SDC2: variants seen among roughly 807,000 people sequenced by gnomAD.
SDC2 encodes syndecan-2.
SDC2 carries 13 observed loss-of-function variants against 22.2 expected under a neutral mutation model. That is an observed-to-expected ratio of 0.59 (90% CI 0.38 to 0.93). The LOEUF (loss-of-function observed/expected upper bound fraction) is 0.93. Ranked by LOEUF, SDC2 falls within the 40% of genes least tolerant of loss-of-function variation. SDC2 has a pLI of 0.00. For missense variants in SDC2, 235 were observed against 246.8 expected (o/e 0.95, Z 0.32); for synonymous variants, 94 against 92.8 (o/e 1.01, Z -0.07).
intron 1 of SDC2, among the ~76,000 whole-genome samples, chr8:96,527,223 A>G (rs1813591664): frequency 6.7e-6 from 1 of 148,950 alleles, no homozygotes; most frequent in Admixed American, 6.7e-5. Context: ...TGGGAGCTTC[A>G]TTATTTCTGC....
intron 1 of SDC2, among the ~76,000 whole-genome samples, chr8:96,505,846 G>T (rs1022624399): frequency 1.3e-5 from 2 of 152,180 alleles, no homozygotes; most frequent in Non-Finnish European, 2.9e-5. Context: ...TGTTGGTCCT[G>T]CAAGTTAAAA....
chr8:96,571,050 A>G (rs1212133058), intron 1 of SDC2, among the ~76,000 whole-genome samples: 1 of 152,210 alleles, frequency 6.6e-6, no homozygotes, highest in African/African-American at 2.4e-5. Context: ...AACTAGTTCA[A>G]ATGGCAAATT....
At chr8:96,600,382 A>G (rs1020470281) in intron 2 of SDC2, among the ~76,000 whole-genome samples, 1 of 152,212 alleles carries the variant, frequency 6.6e-6, no homozygotes, top group Non-Finnish European at 1.5e-5. Context: ...CTTAAAAGGA[A>G]TGTTGTATTT....
chr8:96,611,459 A>T lies in SDC2; in HGVS notation c.*1911A>T, dbSNP rs1563682026. The T allele has an allele frequency of 6.6e-6, 1 of 152,314 alleles. No homozygotes were observed. Among genetic ancestry groups the T allele is most frequent in the African/African-American group, 2.4e-5 (1 of 41,160 alleles). 9.4% of individuals were successfully genotyped at this position (152,314 alleles called of 1,614,324 possible). A position where few individuals can be genotyped will look rare whatever the true frequency, so the allele number is the denominator to read the frequency against. ...TTAAGCAACACTTGGAACAGTGTTT[A>T]CTTTAAATCCTTAATGGCCTTAATT... On this transcript the variant is annotated 3_prime_UTR_variant, in exon 5 of 5. Transcript: ENST00000302190.
intron 1 of SDC2, among the ~76,000 whole-genome samples, chr8:96,564,783 C>A (rs1441920735): frequency 6.6e-6 from 1 of 152,082 alleles, no homozygotes; most frequent in African/African-American, 2.4e-5. Context: ...TATCACATCC[C>A]ATAGGTAAGT....
Position 96,494,298 on chromosome 8 carries a change from C to G in SDC2, c.27C>G (p.Thr9=), listed in dbSNP as rs765066494. The change falls in exon 1 of 5, where the codon ACC becomes ACG. Residue 9 remains threonine (T), a synonymous_variant. Transcript: ENST00000302190. Reference sequence around the variant, plus strand: ...TGCGGCGCGCGTGGATCCTGCTCACCTTGGGCTTGGTGGCCTGCGTGTCGG... The same window carrying G: ...TGCGGCGCGCGTGGATCCTGCTCACGTTGGGCTTGGTGGCCTGCGTGTCGG... The part of the protein sequence containing the change: MRRAWILL[T]LGLVACVSAE... The G allele has an allele frequency of 9.0e-6, 14 of 1,547,006 alleles. No homozygotes were observed. Among genetic ancestry groups the G allele is most frequent in the Admixed American group, 7.7e-5 (4 of 51,842 alleles).
At position 96,523,181 on chromosome 8, in the gene SDC2, G is replaced by A. The variant is rs989978510; in HGVS notation, c.60+28850G>A. 3.3e-5 allele frequency among the ~76,000 whole-genome samples: 5 copies of A among 152,128 alleles called. No individual in the cohort carries two copies. The East Asian group carries it at 9.6e-4, about 29-fold the overall frequency. On this transcript the variant is annotated intron_variant, in intron 1 of 4. Coordinates refer to ENST00000302190, the MANE Select transcript of SDC2 (RefSeq NM_002998.4). ...TTTTTTCCTTCAAAAAATGCATACAGTGGATTGCTGAGCATCTAAAATCCC... is the reference window on the plus strand; with the variant it reads ...TTTTTTCCTTCAAAAAATGCATACAATGGATTGCTGAGCATCTAAAATCCC...
chr8:96,590,752 T>C (rs946437543), intron 1 of SDC2, among the ~76,000 whole-genome samples: 23 of 152,198 alleles, frequency 1.5e-4, no homozygotes, highest in African/African-American at 5.1e-4. Context: ...TAATTTCTCC[T>C]ATGTTCTTTG....
At chr8:96,565,603 G>A (rs555446920) in intron 1 of SDC2, among the ~76,000 whole-genome samples, 2 of 152,238 alleles carry the variant, frequency 1.3e-5, no homozygotes, top group South Asian at 2.1e-4. Context: ...TGGGACCCTA[G>A]CAACAGTTGC....
At position 96,502,530 on chromosome 8, in the gene SDC2, T is replaced by G. The variant is rs530474303; in HGVS notation, c.60+8199T>G. 3.6e-4 allele frequency among the ~76,000 whole-genome samples: 34 copies of G among 93,566 alleles called. 1 individual carries two copies. The South Asian group carries it at 0.01, about 28-fold the overall frequency. 61.4% of individuals were successfully genotyped at this position (93,566 alleles called of 152,430 possible). A position where few individuals can be genotyped will look rare whatever the true frequency, so the allele number is the denominator to read the frequency against. ...TTTTTAAACTATAAATCTCATAAAGTGTTTTAGTCTCCTCATATGGTTTCT... is the reference window on the plus strand; with the variant it reads ...TTTTTAAACTATAAATCTCATAAAGGGTTTTAGTCTCCTCATATGGTTTCT... On this transcript the variant is annotated intron_variant, in intron 1 of 4. Coordinates refer to ENST00000302190, the MANE Select transcript of SDC2 (RefSeq NM_002998.4).
chr8:96,494,782 C>G (rs907236469), intron 1 of SDC2, among the ~76,000 whole-genome samples: 2 of 152,190 alleles, frequency 1.3e-5, no homozygotes, highest in East Asian at 1.9e-4. Context: ...CACCATCCCC[C>G]CCGCGCCAGC....
intron 1 of SDC2, among the ~76,000 whole-genome samples, chr8:96,551,606 C>T (rs1387771988): frequency 6.6e-6 from 1 of 152,204 alleles, no homozygotes; most frequent in African/African-American, 2.4e-5. Flanking sequence ...CACCTCCTCA[C>T]CTGTCATGCC....
intron 1 of SDC2, among the ~76,000 whole-genome samples, chr8:96,537,952 TTTTGTTTG>T (rs1554601574): frequency 1.3e-4 from 20 of 150,936 alleles, no homozygotes; most frequent in African/African-American, 2.4e-4. Flanking sequence ...ATGTTTTGTT[TTTTGTTTG>T]TTTGTTTGTT....
intron 1 of SDC2, among the ~76,000 whole-genome samples, chr8:96,537,686 G>C (rs781326463): frequency 6.6e-6 from 1 of 152,144 alleles, no homozygotes; most frequent in Non-Finnish European, 1.5e-5. Context: ...ACTGGTTTCG[G>C]ATGCTATTTT....
chr8:96,565,523 CTATATG>C (rs1472035226), intron 1 of SDC2, among the ~76,000 whole-genome samples: 2 of 151,990 alleles, frequency 1.3e-5, no homozygotes, highest in Non-Finnish European at 2.9e-5. Context: ...TAGAATAAAT[CTATATG>C]TATATGTATT....
intron 1 of SDC2, among the ~76,000 whole-genome samples, chr8:96,505,760 A>G (rs1271513811): frequency 6.6e-6 from 1 of 152,234 alleles, no homozygotes; most frequent in Non-Finnish European, 1.5e-5. Flanking sequence ...TTAGTTATTG[A>G]ATTAAGTTTT....
At chr8:96,578,538 C>G (rs541387869) in intron 1 of SDC2, among the ~76,000 whole-genome samples, 9 of 152,276 alleles carry the variant, frequency 5.9e-5, no homozygotes, top group African/African-American at 2.2e-4. Context: ...CAGGCTGATT[C>G]TGGTTTCTCT....
intron 1 of SDC2, among the ~76,000 whole-genome samples, chr8:96,561,033 G>A (rs977965905): frequency 3.9e-5 from 6 of 152,188 alleles, no homozygotes; most frequent in Non-Finnish European, 8.8e-5. Context: ...GAACCCAGGA[G>A]GCGGAGGTTG....
intron 1 of SDC2, among the ~76,000 whole-genome samples, chr8:96,583,389 CATATG>C (rs1470196449): frequency 1.7e-5 from 2 of 116,808 alleles, no homozygotes; most frequent in African/African-American, 3.0e-5. Context: ...ATATATATGA[CATATG>C]TGTGTGTGTG....
Sources: allele counts gnomAD v4.1 joint callset (sites outside exome capture counted in the v4.1 genomes callset), GRCh38; gene constraint gnomAD v4.1.1; transcripts MANE v1.5; gene names NCBI Gene and HGNC (gene_info 2026-07-23, HGNC 2026-07-21).